The following SLC38A11 variants were observed in gnomAD, a reference collection of about 807,000 sequenced individuals.
The protein encoded by SLC38A11 is solute carrier family 38 member 11.
Under a neutral mutation model 49.4 loss-of-function variants are expected in SLC38A11, and 51 were observed. The observed-to-expected ratio is 1.03, with a 90% CI of 0.83 to 1.30. SLC38A11 has a LOEUF of 1.30. SLC38A11 is among the 50% of genes most tolerant of loss of function. The probability of loss-of-function intolerance (pLI) is 0.00; values close to 1 mark genes in which losing one functional copy is unlikely to be tolerated. For synonymous variants in SLC38A11, 203 were observed against 192.9 expected (o/e 1.05, Z -0.43); for missense variants, 574 against 556.2 (o/e 1.03, Z -0.32).
chr2:164,905,570 G>C (rs1684944466), intron 11 of SLC38A11, among the ~76,000 whole-genome samples: 1 of 152,148 alleles, frequency 6.6e-6, no homozygotes, highest in South Asian at 2.1e-4. Flanking sequence ...ACACAAAAAG[G>C]AGTTGAGTAA....
intron 7 of SLC38A11, among the ~76,000 whole-genome samples, chr2:164,924,908 G>A (rs1220830277): frequency 7.7e-6 from 1 of 129,322 alleles, no homozygotes; most frequent in African/African-American, 2.9e-5. Flanking sequence ...CTAATTTTTT[G>A]TATCCGCGCC....
intron 5 of SLC38A11, among the ~76,000 whole-genome samples, chr2:164,941,795 C>CAT (rs938192575): frequency 8.6e-5 from 13 of 151,634 alleles, no homozygotes; most frequent in African/African-American, 1.5e-4. Flanking sequence ...TCCATTAAAG[C>CAT]ATATATATAT....
chr2:164,916,191 G>A (rs1316074578), intron 7 of SLC38A11, among the ~76,000 whole-genome samples: 1 of 152,030 alleles, frequency 6.6e-6, no homozygotes, highest in African/African-American at 2.4e-5. Flanking sequence ...CAAATACTTG[G>A]ACAAATTCTA....
chr2:164,911,785 A>G, intron 9 of SLC38A11, 37 bp from the exon 10 acceptor site: 1 of 1,208,926 alleles, frequency 8.3e-7, no homozygotes, highest in Non-Finnish European at 1.2e-6. Context: ...TTTACTAGAT[A>G]CTAAATGTTT....
At chr2:164,954,608 T>C in intron 2 of SLC38A11, 23 bp downstream of exon 2, 1 of 1,307,530 alleles carries the variant, frequency 7.6e-7, no homozygotes, top group Non-Finnish European at 1.0e-6. Context: ...ACTTAAAATT[T>C]AAACCAAAGC....
chr2:164,939,848 T>C (rs1053915844), intron 5 of SLC38A11, among the ~76,000 whole-genome samples: 1 of 152,012 alleles, frequency 6.6e-6, no homozygotes, highest in African/African-American at 2.4e-5. Flanking sequence ...CCTTCTTTTG[T>C]CTTCTTAGAG....
At chr2:164,920,906 T>C (rs1686150993) in intron 7 of SLC38A11, among the ~76,000 whole-genome samples, 1 of 151,986 alleles carries the variant, frequency 6.6e-6, no homozygotes, top group Non-Finnish European at 1.5e-5. Context: ...AATAAAATTA[T>C]AGATTATATG....
intron 11 of SLC38A11, among the ~76,000 whole-genome samples, chr2:164,905,260 G>A (rs2105447709): frequency 6.6e-6 from 1 of 152,104 alleles, no homozygotes; most frequent in South Asian, 2.1e-4. Flanking sequence ...TGGGACTACA[G>A]GCATGTGCCA....
intron 7 of SLC38A11, among the ~76,000 whole-genome samples, chr2:164,935,829 G>A (rs1902054): frequency 0.16 from 24,552 of 152,128 alleles, 2,256 homozygotes; most frequent in East Asian, 0.33. Flanking sequence ...GATAATTAGG[G>A]TTAGATAAAC....
At chr2:164,926,153 A>T in intron 7 of SLC38A11, among the ~76,000 whole-genome samples, 1 of 152,150 alleles carries the variant, frequency 6.6e-6, no homozygotes, top group East Asian at 1.9e-4. Context: ...TTATATTCCC[A>T]TCTGTCCTTG....
intron 7 of SLC38A11, among the ~76,000 whole-genome samples, chr2:164,933,280 G>C (rs1438753800): frequency 6.6e-6 from 1 of 151,802 alleles, no homozygotes; most frequent in Non-Finnish European, 1.5e-5. Flanking sequence ...TCTGATTCTA[G>C]TTAGAAAAAA....
chr2:164,932,044 T>C (rs1394434731), intron 7 of SLC38A11, among the ~76,000 whole-genome samples: 1 of 151,922 alleles, frequency 6.6e-6, no homozygotes, highest in Non-Finnish European at 1.5e-5. Flanking sequence ...GTCTAATATA[T>C]AGCATCTTAT....
rs535480141 is a variant in SLC38A11 at position 164,904,254 on chromosome 2, C to A, written c.1095+4386G>T. ...TAGGGCCCAATTACTGCAGATGCCT[C>A]TTTTCTCCAATAGCAACATTAGTGC... On this transcript the variant is annotated intron_variant, in intron 11 of 11. Coordinates refer to ENST00000685975, the MANE Select transcript of SLC38A11 (RefSeq NM_001351537.2). Among the ~76,000 whole-genome samples the A allele has an allele frequency of 3.3e-5, 5 of 152,284 alleles. No homozygotes were observed. The South Asian group carries it at 1.0e-3, about 32-fold the overall frequency.
chr2:164,936,021 C>T (rs760614722), intron 7 of SLC38A11, among the ~76,000 whole-genome samples: 2 of 152,156 alleles, frequency 1.3e-5, no homozygotes, highest in Non-Finnish European at 2.9e-5. Context: ...GACTTCCAGC[C>T]TCCAGAACTA....
intron 7 of SLC38A11, among the ~76,000 whole-genome samples, chr2:164,936,164 A>G (rs1336062812): frequency 6.6e-6 from 1 of 152,182 alleles, no homozygotes; most frequent in Non-Finnish European, 1.5e-5. Context: ...TATTACAGAT[A>G]TTTATGTTTT....
At chr2:164,939,412 A>T (rs778942182) in intron 6 of SLC38A11, 38 bp downstream of exon 6, 1 of 1,367,678 alleles carries the variant, frequency 7.3e-7, no homozygotes, top group Non-Finnish European at 1.0e-6. Context: ...GCAGGCAACA[A>T]GGTACATTTC....
chr2:164,955,378 C>A lies in SLC38A11; in HGVS notation c.-131G>T. 1.2e-6 allele frequency: 1 copy of A among 853,276 alleles called. No individual in the cohort carries two copies. The highest frequency in any genetic ancestry group is 1.9e-6 in the Non-Finnish European group (1 of 534,632). 52.9% of individuals were successfully genotyped at this position (853,276 alleles called of 1,614,324 possible). A position where few individuals can be genotyped will look rare whatever the true frequency, so the allele number is the denominator to read the frequency against. ...GCCGCAGAGCTGCAGGGAGCCAGTT[C>A]CACGGGCGCCCCCTGCTCCCTCGGC... On this transcript the variant is annotated 5_prime_UTR_variant, in exon 1 of 12. Coordinates refer to ENST00000685975, the MANE Select transcript of SLC38A11 (RefSeq NM_001351537.2).
At chr2:164,912,117 C>T (rs1470898366) in intron 9 of SLC38A11, 1 of 153,960 alleles carries the variant, frequency 6.5e-6, no homozygotes, top group Non-Finnish European at 1.4e-5. Flanking sequence ...GTTTCCCTGT[C>T]ATTAAGCAAC....
At chr2:164,941,238 A>C (rs1345733082) in intron 5 of SLC38A11, among the ~76,000 whole-genome samples, 1 of 152,150 alleles carries the variant, frequency 6.6e-6, no homozygotes, top group Admixed American at 6.6e-5. Context: ...TTTTTGAAAA[A>C]ATTTAAAAGC....
Sources: gnomAD v4.1 joint callset for allele counts (sites outside exome capture counted in the v4.1 genomes callset) on GRCh38, gnomAD v4.1.1 for gene constraint, MANE v1.5 for transcripts, NCBI Gene and HGNC (gene_info 2026-07-23, HGNC 2026-07-21) for gene names.